The following RNF121 variants were observed in gnomAD, a reference collection of about 807,000 sequenced individuals.
RNF121 encodes the protein E3 ubiquitin ligase RNF121.
RNF121 carries 21 observed loss-of-function variants against 46.5 expected under a neutral mutation model. The ratio of observed to expected loss-of-function variants is 0.45; its 90% CI spans 0.32 to 0.65. The LOEUF is 0.65. Among genes scored for constraint, RNF121 ranks in the 30% least tolerant of loss-of-function variants. RNF121 has a pLI of 0.04. For synonymous variants in RNF121, 139 were observed against 144.7 expected (o/e 0.96, Z 0.28); for missense variants, 346 against 416.0 (o/e 0.83, Z 1.46).
rs572787215 is a variant in RNF121 at position 71,936,106 on chromosome 11, C to A, written c.63+6982C>A. 1.6e-4 allele frequency among the ~76,000 whole-genome samples: 25 copies of A among 152,164 alleles called. No homozygotes were observed. In the East Asian group the frequency reaches 4.8e-3, roughly 30 times the overall value. On this transcript the variant is annotated intron_variant, in intron 1 of 8. Transcript: ENST00000361756. Reference sequence around the variant, plus strand: ...TTGTGATCTGCCCACCTTGGCCTCCCAGAGTGCTGGGATTATAGGCGTGAG... The same window carrying A: ...TTGTGATCTGCCCACCTTGGCCTCCAAGAGTGCTGGGATTATAGGCGTGAG...
Position 71,987,031 on chromosome 11 carries a change from C to G in RNF121, c.426C>G (p.Ile142Met). The change falls in exon 5 of 9, where the codon ATC becomes ATG. Residue 142 changes from isoleucine (I) to methionine (M), a missense_variant. By Grantham distance (10) the Ile-to-Met change is conservative. This residue lies in a region of RNF121 where 286 missense variants were observed against 383.8 expected (regional missense o/e 0.75). Transcript: ENST00000361756. Reference protein sequence around the residue: ...PRLVYKWFLLIYKISYATGIV... With the variant: ...PRLVYKWFLLMYKISYATGIV... Reference sequence around the variant, plus strand: ...TGGTTTATAAGTGGTTCCTGCTAATCTATAAAATCAGCTATGCCACTGGCA... The same window carrying G: ...TGGTTTATAAGTGGTTCCTGCTAATGTATAAAATCAGCTATGCCACTGGCA... The G allele has an allele frequency of 6.2e-7, 1 of 1,613,398 alleles. No homozygotes were observed. The highest frequency in any genetic ancestry group is 8.5e-7 in the Non-Finnish European group (1 of 1,179,400).
At chr11:71,982,728 G>A (rs765242853) in intron 3 of RNF121, 33 bp from the exon 4 acceptor site, 1 of 1,582,434 alleles carries the variant, frequency 6.3e-7, no homozygotes, top group Admixed American at 1.8e-5. Flanking sequence ...GAGGGAGCTG[G>A]CCAGAGCTGA....
intron 3 of RNF121, among the ~76,000 whole-genome samples, chr11:71,963,797 C>T (rs1018987330): frequency 1.3e-5 from 2 of 152,152 alleles, no homozygotes; most frequent in African/African-American, 2.4e-5. Context: ...TGGCATGTCA[C>T]GACCTTGTCA....
chr11:71,950,931 A>G (rs1050802741), intron 1 of RNF121, among the ~76,000 whole-genome samples: 11 of 152,170 alleles, frequency 7.2e-5, no homozygotes, highest in Admixed American at 7.2e-4. Context: ...TAGCTGAAGA[A>G]TGCAATAATG....
In RNF121 at chr11:71,996,211, G is replaced by C. The variant is rs760485369; in HGVS notation, c.880G>C (p.Val294Leu). 2.5e-6 allele frequency: 4 copies of C among 1,614,034 alleles called. No individual in the cohort carries two copies. The African/African-American group carries it at 4.0e-5, about 16-fold the overall frequency. Reference sequence around the variant, plus strand: ...CACTGACAGCTGGGAGAGGCCTCACGTCATGTATGGGCAACTGCTGGACTG... The same window carrying C: ...CACTGACAGCTGGGAGAGGCCTCACCTCATGTATGGGCAACTGCTGGACTG... ...MFSNPWERPH[V>L]MYGQLLDWLR... is the part of the protein sequence containing the mutation. The change falls in exon 9 of 9, where the codon GTC becomes CTC. Residue 294 changes from valine (V) to leucine (L), a missense_variant. Transcript: ENST00000361756.
intron 3 of RNF121, among the ~76,000 whole-genome samples, chr11:71,968,046 A>G (rs1954328078): frequency 6.8e-6 from 1 of 146,336 alleles, no homozygotes; most frequent in South Asian, 2.2e-4. Flanking sequence ...AAAAATTTTT[A>G]TAGATTAGAT....
intron 3 of RNF121, among the ~76,000 whole-genome samples, chr11:71,964,735 T>A (rs1053720940): frequency 6.6e-6 from 1 of 152,218 alleles, no homozygotes; most frequent in African/African-American, 2.4e-5. Flanking sequence ...TGCCTCAGCC[T>A]CCCAAAGTGT....
chr11:71,940,484 A>G lies in RNF121; in HGVS notation c.63+11360A>G, dbSNP rs1002325890. ...CATTAGGAATGAACGCCCAAGGTCA[A>G]TGTTGAGAAATGAGGATGTATTTGT... On this transcript the variant is annotated intron_variant, in intron 1 of 8. Transcript: ENST00000361756. Among the ~76,000 whole-genome samples, 7 of 152,326 alleles carry G rather than the reference A, an allele frequency of 4.6e-5. No homozygotes were observed. In the East Asian group the frequency reaches 7.7e-4, roughly 17 times the overall value.
At chr11:71,947,186 A>G (rs1439563386) in intron 1 of RNF121, among the ~76,000 whole-genome samples, 2 of 152,080 alleles carry the variant, frequency 1.3e-5, no homozygotes, top group African/African-American at 2.4e-5. Context: ...TTTTAAATAT[A>G]CTAACAATAA....
chr11:71,979,284 A>ACCTAAGGT (rs1467571150), intron 3 of RNF121, among the ~76,000 whole-genome samples: 2 of 152,144 alleles, frequency 1.3e-5, no homozygotes, highest in Non-Finnish European at 2.9e-5. Context: ...CCTTAGGGTG[A>ACCTAAGGT]CCTATTGAGT....
chr11:71,941,610 T>C (rs1021143133), intron 1 of RNF121, among the ~76,000 whole-genome samples: 1 of 152,164 alleles, frequency 6.6e-6, no homozygotes, highest in Admixed American at 6.5e-5. Flanking sequence ...TAAAGATGAC[T>C]AGAAGAGAAA....
At chr11:71,931,494 TC>T (rs1289924524) in intron 1 of RNF121, among the ~76,000 whole-genome samples, 1 of 152,174 alleles carries the variant, frequency 6.6e-6, no homozygotes, top group Admixed American at 6.5e-5. Context: ...TACTAATGTC[TC>T]CCCAGCTGTT....
intron 3 of RNF121, chr11:71,962,341 A>C: frequency 7.4e-6 from 7 of 941,878 alleles, no homozygotes; most frequent in Non-Finnish European, 8.9e-6. Flanking sequence ...CTTTTTCCTT[A>C]AGTGTGGAAT....
chr11:71,956,399 T>C (rs1953992357), intron 1 of RNF121, among the ~76,000 whole-genome samples: 1 of 151,974 alleles, frequency 6.6e-6, no homozygotes, highest in African/African-American at 2.4e-5. Flanking sequence ...AGAGCAGTGG[T>C]TTTCAACTAG....
At chr11:71,939,709 A>ACT (rs1953518295) in intron 1 of RNF121, among the ~76,000 whole-genome samples, 1 of 152,210 alleles carries the variant, frequency 6.6e-6, no homozygotes, top group Non-Finnish European at 1.5e-5. Context: ...ATACAACCTC[A>ACT]TGTCTTCATG....
intron 3 of RNF121, among the ~76,000 whole-genome samples, chr11:71,967,872 A>G (rs866309990): frequency 1.3e-5 from 2 of 152,280 alleles, no homozygotes; most frequent in Middle Eastern, 3.4e-3. Context: ...CTTGAGCCAT[A>G]TGATATATTT....
In RNF121 at chr11:71,989,794, TTTGTAGTTTATAATTTTATAGTAA is replaced by T. The variant is rs1401876111; in HGVS notation, c.507-802_507-779del. On this transcript the variant is annotated intron_variant, in intron 5 of 8. Transcript: ENST00000361756. Reference sequence around the variant, plus strand: ...GATGATATGATACAGATTATTTATATTTGTAGTTTATAATTTTATAGTAACTGCTATATATTAATAAATATTTAC... The same window carrying T: ...GATGATATGATACAGATTATTTATATCTGCTATATATTAATAAATATTTAC... Among the ~76,000 whole-genome samples, 14 of 152,312 alleles carry T rather than the reference TTTGTAGTTTATAATTTTATAGTAA, an allele frequency of 9.2e-5. No homozygotes were observed. In the South Asian group the frequency reaches 2.9e-3, roughly 32 times the overall value.
chr11:71,941,930 A>AT lies in RNF121; in HGVS notation c.63+12826dup, dbSNP rs35553015. 4.5e-3 allele frequency among the ~76,000 whole-genome samples: 465 copies of AT among 102,696 alleles called. 4 individuals carry two copies. The highest frequency in any genetic ancestry group is 0.015 in the African/African-American group (413 of 27,982). 67.4% of individuals were successfully genotyped at this position (102,696 alleles called of 152,430 possible). A position where few individuals can be genotyped will look rare whatever the true frequency, so the allele number is the denominator to read the frequency against. On this transcript the variant is annotated intron_variant, in intron 1 of 8. Transcript: ENST00000361756. ...GAATTTTATTGAGCGTGTAATGAGA[A>AT]TTTTTTTTTTTTTTTTTTTTGAGAC...
intron 3 of RNF121, among the ~76,000 whole-genome samples, chr11:71,967,628 G>A (rs960891314): frequency 1.3e-5 from 2 of 151,530 alleles, no homozygotes; most frequent in Non-Finnish European, 2.9e-5. Flanking sequence ...TCACCATGTT[G>A]GCCAGGATAG....
Sources: gnomAD v4.1 joint callset for allele counts (sites outside exome capture counted in the v4.1 genomes callset) on GRCh38, gnomAD v4.1.1 for gene constraint, gnomAD v4.1.1 regional missense constraint, MANE v1.5 for transcripts, NCBI Gene and HGNC (gene_info 2026-07-23, HGNC 2026-07-21) for gene names.